The following ALS2 variants were observed in gnomAD, a reference collection of about 807,000 sequenced individuals.
ALS2 encodes alsin.
In ALS2, 117 loss-of-function variants were observed where a neutral mutation model predicts 203.4. The observed-to-expected ratio is 0.58, with a 90% CI of 0.50 to 0.67. The LOEUF (loss-of-function observed/expected upper bound fraction) is 0.67, where lower values mean the gene tolerates loss of function less well. Among genes scored for constraint, ALS2 ranks in the 30% least tolerant of loss-of-function variants. ALS2 has a pLI of 0.00. For missense variants in ALS2, 1,715 were observed against 1,989.4 expected, an observed-to-expected ratio of 0.86 and a Z score of 2.62; for synonymous variants, 718 against 725.9, an observed-to-expected ratio of 0.99 and a Z score of 0.17.
At chr2:201,719,638 C>G (rs1426258186) in intron 23 of ALS2, among the ~76,000 whole-genome samples, 1 of 151,978 alleles carries the variant, frequency 6.6e-6, no homozygotes, top group Non-Finnish European at 1.5e-5. Context: ...CCAGAGGGAA[C>G]TATCTTAGGC....
chr2:201,755,334 C>T (rs1038672625), intron 5 of ALS2, among the ~76,000 whole-genome samples: 2 of 152,090 alleles, frequency 1.3e-5, no homozygotes, highest in African/African-American at 2.4e-5. Context: ...ATGATCTCGG[C>T]TCGCAGGAAC....
intron 7 of ALS2, 65 bp from the exon 8 acceptor site, chr2:201,749,854 C>A: frequency 8.1e-7 from 1 of 1,238,848 alleles, no homozygotes; most frequent in Non-Finnish European, 1.2e-6. Flanking sequence ...CAACTCTGAA[C>A]CTTTATAATA....
chr2:201,733,462 T>C, intron 12 of ALS2, 24 bp from the exon 13 acceptor site: 1 of 1,607,038 alleles, frequency 6.2e-7, no homozygotes. Flanking sequence ...AAAAAAAAAT[T>C]TAGTTAATCA....
At chr2:201,708,086 TA>T in intron 27 of ALS2, 95 bp from the exon 28 acceptor site, 1 of 1,127,714 alleles carries the variant, frequency 8.9e-7, no homozygotes, top group South Asian at 1.3e-5. Flanking sequence ...GAGCAAGCTT[TA>T]TTATCAACTA....
At chr2:201,759,442 G>C in intron 4 of ALS2, 5 of 929,634 alleles carry the variant, frequency 5.4e-6, no homozygotes, top group Non-Finnish European at 6.4e-6. Context: ...AAATGTAATA[G>C]AAACACACAT....
At chr2:201,721,134 T>C (rs1028684134) in intron 23 of ALS2, among the ~76,000 whole-genome samples, 3 of 152,218 alleles carry the variant, frequency 2.0e-5, no homozygotes, top group Non-Finnish European at 4.4e-5. Flanking sequence ...ATGTGTACAC[T>C]GAAACCTGGA....
chr2:201,727,269 T>C lies in ALS2; in HGVS notation c.2922A>G (p.Leu974=). ...LSEEAGGVNG[L]KITTPEEQFT... ...ACTGCTCCTCAGGTGTAGTTATCTT[T>C]AAGCCATTCCTAAAACGTTCACAAG... Residue 974 remains leucine, a synonymous_variant, in exon 17 of 34, where the codon TTA becomes TTG. Coordinates refer to ENST00000264276, the MANE Select transcript of ALS2 (RefSeq NM_020919.4). 1 of 1,613,536 alleles carries C rather than the reference T, an allele frequency of 6.2e-7. No individual in the cohort carries two copies. Among genetic ancestry groups the C allele is most frequent in the Non-Finnish European group, 8.5e-7 (1 of 1,179,456 alleles).
chr2:201,707,434 T>A (rs918059585), intron 28 of ALS2, among the ~76,000 whole-genome samples: 121 of 145,632 alleles, frequency 8.3e-4, no homozygotes, highest in East Asian at 2.8e-3. Flanking sequence ...CCCAGCTACA[T>A]TTTTTTTTTT....
At chr2:201,741,274 A>G (rs568959402) in intron 11 of ALS2, 1 of 156,602 alleles carries the variant, frequency 6.4e-6, no homozygotes, top group East Asian at 1.8e-4. Context: ...AGTCAAAAGC[A>G]GACATCAGAA....
chr2:201,719,501 A>C (rs557079969), intron 23 of ALS2, among the ~76,000 whole-genome samples: 4 of 152,224 alleles, frequency 2.6e-5, no homozygotes, highest in Non-Finnish European at 5.9e-5. Context: ...AGGCAGGAGA[A>C]TCGCTTGAAC....
intron 13 of ALS2, 120 bp from the exon 14 acceptor site, chr2:201,729,303 G>T (rs1425483076): frequency 5.1e-6 from 6 of 1,171,620 alleles, no homozygotes; most frequent in Non-Finnish European, 6.0e-6. Context: ...TTCAGCCCAC[G>T]AGCATAAGTA....
In ALS2 at chr2:201,744,445, A is replaced by G; in HGVS notation, c.1999-16T>C. 1.9e-6 allele frequency: 3 copies of G among 1,612,146 alleles called. No individual in the cohort carries two copies. The highest frequency in any genetic ancestry group is 2.5e-6 in the Non-Finnish European group (3 of 1,178,604). On this transcript the variant is annotated splice_polypyrimidine_tract_variant and intron_variant, in intron 9 of 33. Coordinates refer to ENST00000264276, the MANE Select transcript of ALS2 (RefSeq NM_020919.4). ...TATATCCAAGCTGAAACAGAAGAAA[A>G]CAAAAGGATTAAATATAACATATAA... is the stretch of plus-strand genomic sequence containing the variant.
intron 25 of ALS2, among the ~76,000 whole-genome samples, chr2:201,715,437 A>G (rs909680518): frequency 6.6e-6 from 1 of 152,196 alleles, no homozygotes; most frequent in South Asian, 2.1e-4. Context: ...TTCTTCCTCA[A>G]TCTACTTGTT....
Position 201,768,871 on chromosome 2 carries a change from CTTCTTT to C in ALS2, c.9_14del (p.Lys4_Lys5del). 6.2e-7 allele frequency: 1 copy of C among 1,613,570 alleles called. No individual in the cohort carries two copies. Among genetic ancestry groups the C allele is most frequent in the Admixed American group, 1.7e-5 (1 of 59,988 alleles). On this transcript the variant is annotated inframe_deletion, in exon 2 of 34. Coordinates refer to ENST00000264276, the MANE Select transcript of ALS2 (RefSeq NM_020919.4). The stretch of plus-strand genomic sequence containing the variant: ...AAAGGAAGAAATGATTTTACCTTCT[CTTCTTT>C]GAGTCCATCGGTCAGTGGGAACACT...
chr2:201,749,113 C>T (rs138230483), intron 8 of ALS2, among the ~76,000 whole-genome samples: 14 of 152,044 alleles, frequency 9.2e-5, no homozygotes, highest in African/African-American at 3.1e-4. Flanking sequence ...GGTGATGAGG[C>T]GGAACACAAG....
intron 7 of ALS2, among the ~76,000 whole-genome samples, chr2:201,751,752 T>TAC (rs888026563): frequency 6.6e-6 from 1 of 152,158 alleles, no homozygotes; most frequent in Admixed American, 6.5e-5. Flanking sequence ...AATTTGTTCA[T>TAC]ACACACACAC....
At chr2:201,736,816 G>A (rs1181699415) in intron 12 of ALS2, among the ~76,000 whole-genome samples, 1 of 152,084 alleles carries the variant, frequency 6.6e-6, no homozygotes, top group Non-Finnish European at 1.5e-5. Context: ...ATGCCAATAA[G>A]CTTTAAAACA....
rs544979353 is a variant in ALS2 at position 201,755,909 on chromosome 2, G to A, written c.1472-1238C>T. Among the ~76,000 whole-genome samples the A allele has an allele frequency of 3.9e-5, 6 of 152,258 alleles. No homozygotes were observed. In the South Asian group the frequency reaches 6.2e-4, roughly 16 times the overall value. On this transcript the variant is annotated intron_variant, in intron 5 of 33. Coordinates refer to ENST00000264276, the MANE Select transcript of ALS2 (RefSeq NM_020919.4). ...GACTTAGTCATTAGGTCATTAACTT[G>A]AGGGCCACAAGAAAGTGATCATCAC...
At position 201,728,601 on chromosome 2, in the gene ALS2, T is replaced by G. The variant is rs1451843187; in HGVS notation, c.2752A>C (p.Ser918Arg). 1.2e-6 allele frequency: 2 copies of G among 1,614,078 alleles called. No homozygotes were observed. The highest frequency in any genetic ancestry group is 1.7e-6 in the Non-Finnish European group (2 of 1,179,992). The part of the protein sequence containing the change: ...RKPERRLLCE[S>R]SNRALSLQHA... ...TGCAGAGACAGGGCTCGGTTACTAC[T>G]CTCACACAGCAGTCGACGCTCTGGC... Residue 918 changes from serine (S) to arginine (R), a missense_variant, in exon 15 of 34, where the codon AGT (serine) becomes CGT (arginine). Ser to Arg is a moderately radical substitution (Grantham distance 110). This residue lies in a region of ALS2 where 1,227 missense variants were observed against 1,413.5 expected (regional missense o/e 0.87). Coordinates refer to ENST00000264276, the MANE Select transcript of ALS2 (RefSeq NM_020919.4).
Sources: gnomAD v4.1 joint callset for allele counts (sites outside exome capture counted in the v4.1 genomes callset) on GRCh38, gnomAD v4.1.1 for gene constraint, gnomAD v4.1.1 regional missense constraint, MANE v1.5 for transcripts, NCBI Gene and HGNC (gene_info 2026-07-23, HGNC 2026-07-21) for gene names.